EGFLAM: variants seen among roughly 807,000 people sequenced by gnomAD.
EGFLAM encodes pikachurin.
EGFLAM carries 79 observed loss-of-function variants against 113.1 expected under a neutral mutation model. The observed-to-expected ratio is 0.70, with a 90% confidence interval of 0.58 to 0.84. EGFLAM has a LOEUF of 0.84. Ranked by LOEUF, EGFLAM falls within the 40% of genes least tolerant of loss-of-function variation. The pLI, the probability that EGFLAM is intolerant of heterozygous loss-of-function variation, is 0.00. For synonymous variants in EGFLAM, 504 were observed against 487.6 expected, an observed-to-expected ratio of 1.03 and a Z score of -0.44; for missense variants, 1,265 against 1,291.6, an observed-to-expected ratio of 0.98 and a Z score of 0.32.
intron 3 of EGFLAM, among the ~76,000 whole-genome samples, chr5:38,339,542 G>A (rs1739280429): frequency 6.6e-6 from 1 of 152,198 alleles, no homozygotes; most frequent in South Asian, 2.1e-4. Context: ...CCATGATAAG[G>A]AACTATCACT....
At chr5:38,342,371 T>C (rs1739358823) in intron 3 of EGFLAM, among the ~76,000 whole-genome samples, 1 of 152,166 alleles carries the variant, frequency 6.6e-6, no homozygotes, top group Non-Finnish European at 1.5e-5. Flanking sequence ...CTTTTATCAA[T>C]CCCTTATTTC....
At chr5:38,319,052 G>A (rs1490103013) in intron 1 of EGFLAM, among the ~76,000 whole-genome samples, 1 of 152,174 alleles carries the variant, frequency 6.6e-6, no homozygotes, top group Non-Finnish European at 1.5e-5. Flanking sequence ...GAGATGGTGA[G>A]AATTCATATT....
At chr5:38,338,862 C>T in intron 3 of EGFLAM, 81 bp downstream of exon 3, 2 of 1,106,442 alleles carry the variant, frequency 1.8e-6, no homozygotes, top group South Asian at 1.3e-5. Context: ...GTGTGTGCTA[C>T]TGTACATGTA....
intron 17 of EGFLAM, among the ~76,000 whole-genome samples, chr5:38,446,440 G>A (rs1404975237): frequency 1.3e-5 from 2 of 152,020 alleles, no homozygotes; most frequent in South Asian, 2.1e-4. Context: ...CATGCCACCC[G>A]TTTTCCTACT....
intron 1 of EGFLAM, among the ~76,000 whole-genome samples, chr5:38,294,311 A>G (rs577663151): frequency 6.6e-6 from 1 of 152,292 alleles, no homozygotes; most frequent in East Asian, 1.9e-4. Flanking sequence ...CTAACATCTC[A>G]TTGGTCAAAT....
intron 17 of EGFLAM, among the ~76,000 whole-genome samples, chr5:38,442,256 A>C (rs1742559019): frequency 6.7e-6 from 1 of 149,010 alleles, no homozygotes; most frequent in African/African-American, 2.5e-5. Context: ...CTTTAATATA[A>C]TTTAATATAT....
chr5:38,309,458 G>A (rs892625155), intron 1 of EGFLAM, among the ~76,000 whole-genome samples: 15 of 152,322 alleles, frequency 9.8e-5, no homozygotes, highest in African/African-American at 3.6e-4. Context: ...ACTAGCACTA[G>A]TAGGGAAAAG....
chr5:38,386,902 C>T (rs1561061388), intron 6 of EGFLAM, among the ~76,000 whole-genome samples: 1 of 152,180 alleles, frequency 6.6e-6, no homozygotes, highest in Non-Finnish European at 1.5e-5. Flanking sequence ...CACACATACA[C>T]AGTTACCCAT....
intron 19 of EGFLAM, among the ~76,000 whole-genome samples, chr5:38,453,407 G>A (rs1178639091): frequency 6.6e-6 from 1 of 152,188 alleles, no homozygotes; most frequent in African/African-American, 2.4e-5. Context: ...AGCCCAAGTA[G>A]GATAACAGAA....
At chr5:38,315,828 C>T (rs892655752) in intron 1 of EGFLAM, among the ~76,000 whole-genome samples, 6 of 152,192 alleles carry the variant, frequency 3.9e-5, no homozygotes, top group African/African-American at 9.6e-5. Flanking sequence ...GTAATTTTAG[C>T]ACTTTGGGAA....
At position 38,406,669 on chromosome 5, in the gene EGFLAM, C is replaced by G. The variant is rs73749226; in HGVS notation, c.829-159C>G. Among the ~76,000 whole-genome samples the G allele has an allele frequency of 2.5e-3, 374 of 152,282 alleles. 1 individual carries two copies. Among genetic ancestry groups the G allele is most frequent in the African/African-American group, 6.7e-3 (280 of 41,548 alleles). On this transcript the variant is annotated intron_variant, in intron 7 of 21. Transcript: ENST00000322350. ...ACTATAAGTCCCTGACCATCAAGCTCTTTGTCCATAAATTAGAGTCAGTGC... is the reference window on the plus strand; with the variant it reads ...ACTATAAGTCCCTGACCATCAAGCTGTTTGTCCATAAATTAGAGTCAGTGC...
intron 1 of EGFLAM, among the ~76,000 whole-genome samples, chr5:38,328,723 G>GTTTTTTTTTT (rs3077265): frequency 9.7e-6 from 1 of 103,026 alleles, no homozygotes; most frequent in Non-Finnish European, 1.9e-5. Context: ...AGCTATACTT[G>GTTTTTTTTTT]TTTTTTTTTT....
At chr5:38,446,780 C>G (rs1742727576) in intron 17 of EGFLAM, among the ~76,000 whole-genome samples, 2 of 152,228 alleles carry the variant, frequency 1.3e-5, no homozygotes, top group South Asian at 4.1e-4. Context: ...TTATGAAAGG[C>G]TCTGGGAAGC....
In EGFLAM at chr5:38,427,326, C is replaced by T. The variant is rs189629807; in HGVS notation, c.2054+74C>T. ...TAACTGCTTCAGAAAAAAACCAAAT[C>T]GCCATTCAACAGCTCACACTCATCC... is the stretch of plus-strand genomic sequence containing the variant. On this transcript the variant is annotated intron_variant, in intron 14 of 21. Transcript: ENST00000322350. 1.1e-4 allele frequency: 165 copies of T among 1,567,142 alleles called. 1 individual carries two copies. In the African/African-American group the frequency reaches 1.7e-3, roughly 17 times the overall value.
intron 17 of EGFLAM, among the ~76,000 whole-genome samples, chr5:38,441,131 G>T (rs949896261): frequency 3.9e-5 from 6 of 152,204 alleles, no homozygotes; most frequent in African/African-American, 1.4e-4. Flanking sequence ...CTCCCACTGA[G>T]CATCTGAGAT....
intron 1 of EGFLAM, among the ~76,000 whole-genome samples, chr5:38,321,687 A>C (rs1738745993): frequency 6.6e-6 from 1 of 152,164 alleles, no homozygotes. Flanking sequence ...CCACTGCTAG[A>C]GGCTTTCAGC....
intron 6 of EGFLAM, among the ~76,000 whole-genome samples, chr5:38,386,108 A>C (rs1740654385): frequency 6.6e-6 from 1 of 152,216 alleles, no homozygotes; most frequent in Non-Finnish European, 1.5e-5. Flanking sequence ...TCCATCATTG[A>C]CCAGAATGTC....
chr5:38,416,092 A>G (rs1741633464), intron 11 of EGFLAM, among the ~76,000 whole-genome samples: 1 of 152,164 alleles, frequency 6.6e-6, no homozygotes. Flanking sequence ...TGCAAGAAGC[A>G]TGTAGCTTTA....
intron 1 of EGFLAM, among the ~76,000 whole-genome samples, chr5:38,331,301 C>T (rs1164578083): frequency 6.6e-6 from 1 of 152,128 alleles, no homozygotes; most frequent in Non-Finnish European, 1.5e-5. Flanking sequence ...TTCTGTTGTA[C>T]ATTCTATGGG....
Sources: allele counts gnomAD v4.1 joint callset (sites outside exome capture counted in the v4.1 genomes callset), GRCh38; gene constraint gnomAD v4.1.1; transcripts MANE v1.5; gene names NCBI Gene and HGNC (gene_info 2026-07-23, HGNC 2026-07-21).